RMND5A: variants seen among roughly 807,000 people sequenced by gnomAD.
RMND5A encodes required for meiotic nuclear division 5 homolog A.
RMND5A carries 17 observed loss-of-function variants against 49.7 expected under a neutral mutation model. The ratio of observed to expected loss-of-function variants is 0.34; its 90% CI spans 0.23 to 0.51. The LOEUF is 0.51. Ranked by LOEUF, RMND5A falls within the 20% of genes least tolerant of loss-of-function variation. The pLI is 0.96. For synonymous variants in RMND5A, 156 were observed against 167.7 expected, an observed-to-expected ratio of 0.93 and a Z score of 0.54; for missense variants, 255 against 471.3, an observed-to-expected ratio of 0.54 and a Z score of 4.25.
chr2:86,729,772 T>C lies in RMND5A; in HGVS notation c.142+8963T>C, dbSNP rs1331505225. Among the ~76,000 whole-genome samples, 7 of 69,306 alleles carry C rather than the reference T, an allele frequency of 1.0e-4. 1 individual carries two copies. Among genetic ancestry groups the C allele is most frequent in the Non-Finnish European group, 1.3e-4 (4 of 31,582 alleles). 45.5% of individuals were successfully genotyped at this position (69,306 alleles called of 152,430 possible). On this transcript the variant is annotated intron_variant, in intron 1 of 8. Coordinates refer to ENST00000283632, the MANE Select transcript of RMND5A (RefSeq NM_022780.4). ...AGGCGATAAGAGCATTAAAATTAAA[T>C]TGGAATCAGGTTTTGTAAAGCCATG...
At chr2:86,746,659 C>T (rs1323412848) in intron 2 of RMND5A, among the ~76,000 whole-genome samples, 2 of 152,162 alleles carry the variant, frequency 1.3e-5, no homozygotes, top group African/African-American at 4.8e-5. Flanking sequence ...CCTGAGGGCA[C>T]CCACTCTACA....
At chr2:86,773,305 C>T (rs1672713030) in intron 8 of RMND5A, 43 bp from the exon 9 acceptor site, 1 of 1,181,666 alleles carries the variant, frequency 8.5e-7, no homozygotes, top group Non-Finnish European at 1.3e-6. Flanking sequence ...ATACACAGTA[C>T]TGAGCCTGCT....
chr2:86,766,019 T>G lies in RMND5A; in HGVS notation c.849T>G (p.Ser283Arg). Reference sequence around the variant, plus strand: ...GGCTCTCCGTGGAGTCCCCTCTCAGTGTCAGGTATGGAAATTAGCCCTGTC... The same window carrying G: ...GGCTCTCCGTGGAGTCCCCTCTCAGGGTCAGGTATGGAAATTAGCCCTGTC... ...LLGLSVESPLSVSFSAGCVAL... is the reference protein window; with the variant it reads ...LLGLSVESPLRVSFSAGCVAL... Residue 283 changes from serine (S) to arginine (R), a missense_variant, in exon 6 of 9, where the codon AGT becomes AGG. By Grantham distance (110) the Ser-to-Arg change is moderately radical (BLOSUM62 -1). Around this residue, in one of 3 missense-constraint regions of RMND5A, gnomAD observed 208 missense variants for 339.8 expected, o/e 0.61. Transcript: ENST00000283632. 1.2e-6 allele frequency: 2 copies of G among 1,613,084 alleles called. No individual in the cohort carries two copies. Among genetic ancestry groups the G allele is most frequent in the East Asian group, 4.5e-5 (2 of 44,878 alleles).
chr2:86,764,940 C>CT (rs1672565262), intron 4 of RMND5A, 87 bp from the exon 5 acceptor site: 4 of 1,335,554 alleles, frequency 3.0e-6, no homozygotes, highest in Admixed American at 2.5e-5. Context: ...GACCAAGCCC[C>CT]TTTTTTGTTT....
At chr2:86,729,154 T>C (rs1681318985) in intron 1 of RMND5A, among the ~76,000 whole-genome samples, 2 of 152,260 alleles carry the variant, frequency 1.3e-5, no homozygotes, top group African/African-American at 4.8e-5. Context: ...CTTAACATTG[T>C]AAAGAATGCT....
chr2:86,760,979 TG>T (rs777357876), intron 4 of RMND5A, among the ~76,000 whole-genome samples: 114 of 151,600 alleles, frequency 7.5e-4, no homozygotes, highest in Non-Finnish European at 1.3e-3. Context: ...TGTGTGTGTG[TG>T]TGTGTGTGTG....
intron 1 of RMND5A, among the ~76,000 whole-genome samples, chr2:86,729,607 G>A (rs1681330428): frequency 9.6e-6 from 1 of 103,686 alleles, no homozygotes; most frequent in Non-Finnish European, 2.3e-5. Context: ...GACAAGGAGA[G>A]ACTCTTTTTA....
At chr2:86,762,664 T>TA (rs1672514709) in intron 4 of RMND5A, among the ~76,000 whole-genome samples, 1 of 136,314 alleles carries the variant, frequency 7.3e-6, no homozygotes, top group Admixed American at 7.7e-5. Context: ...AAATATTTTT[T>TA]TATATATATA....
intron 1 of RMND5A, 39 bp downstream of exon 1, chr2:86,720,848 T>C (rs1178819414): frequency 6.5e-7 from 1 of 1,529,086 alleles, no homozygotes; most frequent in Non-Finnish European, 8.8e-7. Context: ...CATGGCCCAC[T>C]GCCCGAGCCC....
chr2:86,775,696 A>C lies in RMND5A; in HGVS notation c.*2285A>C, dbSNP rs1672756642. ...ACTCCCACTGGGCAGGGTGAGGACC[A>C]AAAATCTGAAACTCTTATGAATCTG... On this transcript the variant is annotated 3_prime_UTR_variant, in exon 9 of 9. Coordinates refer to ENST00000283632, the MANE Select transcript of RMND5A (RefSeq NM_022780.4). The C allele has an allele frequency of 6.6e-6, 1 of 152,236 alleles. No homozygotes were observed. Among genetic ancestry groups the C allele is most frequent in the Admixed American group, 6.5e-5 (1 of 15,282 alleles). The allele number at this position is 152,236 out of a possible 1,614,324, so 9.4% of individuals were successfully genotyped here. A position where few individuals can be genotyped will look rare whatever the true frequency, so the allele number is the denominator to read the frequency against.
intron 8 of RMND5A, among the ~76,000 whole-genome samples, chr2:86,772,119 C>T (rs1254867545): frequency 6.6e-6 from 1 of 152,112 alleles, no homozygotes; most frequent in African/African-American, 2.4e-5. Context: ...GATTGGGTAG[C>T]CAGTTCCCTA....
chr2:86,760,760 T>C (rs1672465904), intron 4 of RMND5A, among the ~76,000 whole-genome samples: 1 of 75,600 alleles, frequency 1.3e-5, no homozygotes, highest in Admixed American at 1.4e-4. Context: ...TTAGAAAGAT[T>C]TGAAAAAGGA....
chr2:86,765,714 G>A (rs1270537591), intron 5 of RMND5A, 145 bp from the exon 6 acceptor site: 4 of 636,532 alleles, frequency 6.3e-6, no homozygotes, highest in South Asian at 4.4e-5. Context: ...TAGGATGAAG[G>A]AAGAAACCAA....
chr2:86,754,732 AT>A (rs921228900), intron 4 of RMND5A, among the ~76,000 whole-genome samples: 4 of 151,222 alleles, frequency 2.6e-5, no homozygotes, highest in African/African-American at 9.7e-5. Context: ...ATTAAAAAAA[AT>A]TTTTTTTTGT....
chr2:86,753,597 A>G, intron 4 of RMND5A, 39 bp downstream of exon 4: 1 of 1,060,924 alleles, frequency 9.4e-7, no homozygotes, highest in Non-Finnish European at 1.4e-6. Context: ...TACTTTGAGA[A>G]CTCTCTGTAA....
chr2:86,755,830 GAGT>G (rs1001649622), intron 4 of RMND5A, among the ~76,000 whole-genome samples: 15 of 152,102 alleles, frequency 9.9e-5, no homozygotes, highest in African/African-American at 3.6e-4. Context: ...ATGTTTCTGG[GAGT>G]AGTGTTTAAT....
rs144373693 is a variant in RMND5A, at chr2:86,775,316, TTTTCTTTCTTTC to T, written c.*1909_*1920del. ...TGAATTAAAACCTAGAGTGTTGTAT[TTTTCTTTCTTTC>T]TTTTTTTTTTTTTTTTTTTTTACCC... On this transcript the variant is annotated 3_prime_UTR_variant, in exon 9 of 9. Transcript: ENST00000283632. 8.1e-6 allele frequency: 1 copy of T among 122,738 alleles called. No homozygotes were observed. The highest frequency in any genetic ancestry group is 2.6e-4 in the South Asian group (1 of 3,902). 7.6% of individuals were successfully genotyped at this position (122,738 alleles called of 1,614,324 possible).
intron 3 of RMND5A, 81 bp from the exon 4 acceptor site, chr2:86,753,377 A>T: frequency 1.0e-4 from 77 of 772,746 alleles, no homozygotes; most frequent in Admixed American, 5.5e-4. Context: ...CCCATATTTT[A>T]CAATCTAGAA....
At chr2:86,771,403 A>G in intron 7 of RMND5A, 155 bp from the exon 8 acceptor site, 1 of 566,064 alleles carries the variant, frequency 1.8e-6, no homozygotes, top group Non-Finnish European at 3.0e-6. Context: ...TTGAATCACT[A>G]AGACTGTCCA....
Sources: allele counts gnomAD v4.1 joint callset (sites outside exome capture counted in the v4.1 genomes callset), GRCh38; gene constraint gnomAD v4.1.1; regional missense constraint gnomAD v4.1.1; transcripts MANE v1.5; gene names NCBI Gene and HGNC (gene_info 2026-07-23, HGNC 2026-07-21).